The following FHIP1A variants were observed in gnomAD, a reference collection of about 807,000 sequenced individuals.
FHIP1A encodes FHF complex subunit HOOK interacting protein 1A, also known as FHF complex subunit HOOK-interacting protein 1A.
A neutral mutation model predicts 88.6 loss-of-function variants in FHIP1A; 61 were observed. The ratio of observed to expected loss-of-function variants is 0.69; its 90% CI spans 0.56 to 0.85. The LOEUF is 0.85. Among genes scored for constraint, FHIP1A ranks in the 40% least tolerant of loss-of-function variants. The pLI is 0.00. For missense variants in FHIP1A, 1,154 were observed against 1,273.5 expected (o/e 0.91, Z 1.43); for synonymous variants, 478 against 496.0 (o/e 0.96, Z 0.48).
At chr4:151,550,680 T>C (rs1435246745) in intron 3 of FHIP1A, among the ~76,000 whole-genome samples, 1 of 152,260 alleles carries the variant, frequency 6.6e-6, no homozygotes, top group Non-Finnish European at 1.5e-5. Flanking sequence ...ATTTTCCCTC[T>C]CTCTAAGTGT....
chr4:151,608,917 T>A (rs1362199568), intron 7 of FHIP1A, among the ~76,000 whole-genome samples: 1 of 152,156 alleles, frequency 6.6e-6, no homozygotes, highest in Non-Finnish European at 1.5e-5. Context: ...AAGGAGATTG[T>A]TGGGTTCTTA....
At chr4:151,421,016 A>C (rs534581784) in intron 1 of FHIP1A, among the ~76,000 whole-genome samples, 1 of 152,230 alleles carries the variant, frequency 6.6e-6, no homozygotes, top group Non-Finnish European at 1.5e-5. Flanking sequence ...ATTGAGTCGC[A>C]TTTAAAGTCC....
intron 3 of FHIP1A, among the ~76,000 whole-genome samples, chr4:151,485,502 C>G (rs1730051045): frequency 6.6e-6 from 1 of 151,858 alleles, no homozygotes; most frequent in South Asian, 2.1e-4. Flanking sequence ...AAGTGCGGTC[C>G]CCAGATGAAC....
intron 2 of FHIP1A, among the ~76,000 whole-genome samples, chr4:151,463,367 C>T (rs1729203565): frequency 6.6e-6 from 1 of 152,146 alleles, no homozygotes; most frequent in South Asian, 2.1e-4. Context: ...ATGCCAGTAG[C>T]TTTGAAGAGG....
At chr4:151,527,982 G>T (rs1018066485) in intron 3 of FHIP1A, among the ~76,000 whole-genome samples, 1 of 152,178 alleles carries the variant, frequency 6.6e-6, no homozygotes, top group African/African-American at 2.4e-5. Flanking sequence ...AATAAAAACC[G>T]TGTAGCTCCA....
intron 2 of FHIP1A, among the ~76,000 whole-genome samples, chr4:151,469,939 A>G (rs1310201443): frequency 3.3e-5 from 5 of 152,212 alleles, no homozygotes; most frequent in Non-Finnish European, 2.9e-5. Flanking sequence ...TGTAACTTAC[A>G]TTACACAGCC....
intron 3 of FHIP1A, among the ~76,000 whole-genome samples, chr4:151,565,848 G>A (rs1241686682): frequency 6.6e-6 from 1 of 152,030 alleles, no homozygotes; most frequent in East Asian, 1.9e-4. Context: ...TTGAGCTTGA[G>A]TGCTTTAGAA....
chr4:151,450,298 CT>C (rs1320569153), intron 1 of FHIP1A, among the ~76,000 whole-genome samples: 2 of 152,094 alleles, frequency 1.3e-5, no homozygotes, highest in Non-Finnish European at 2.9e-5. Context: ...TTTGATTTCA[CT>C]CAAATAAGAT....
chr4:151,612,467 G>A (rs1735359572), intron 7 of FHIP1A, among the ~76,000 whole-genome samples: 1 of 152,164 alleles, frequency 6.6e-6, no homozygotes, highest in Admixed American at 6.5e-5. Context: ...TGCAACCTCC[G>A]CCTTCCGGCT....
At chr4:151,646,529 C>G (rs759083203) in intron 9 of FHIP1A, 29 bp from the exon 10 acceptor site, 41 of 1,517,718 alleles carry the variant, frequency 2.7e-5, no homozygotes, top group Non-Finnish European at 3.7e-5. Flanking sequence ...ATTGCAGAGA[C>G]CAAACGCTTG....
intron 2 of FHIP1A, among the ~76,000 whole-genome samples, chr4:151,456,577 A>G (rs966445973): frequency 4.6e-5 from 7 of 152,222 alleles, no homozygotes; most frequent in African/African-American, 1.7e-4. Context: ...TCATGGTTAC[A>G]TACAGTATTG....
Position 151,529,298 on chromosome 4 carries a change from A to C in FHIP1A, c.-122-36840A>C, listed in dbSNP as rs1308120943. On this transcript the variant is annotated intron_variant, in intron 3 of 13. Coordinates refer to ENST00000435205, the MANE Select transcript of FHIP1A (RefSeq NM_001109977.3). ...AGTCACCTAAGAGGCTGGAATCAAA[A>C]GGCTGAGGGATTGTGGACTGTCATT... Among the ~76,000 whole-genome samples the C allele has an allele frequency of 2.0e-5, 3 of 152,282 alleles. No individual in the cohort carries two copies. In the East Asian group the frequency reaches 5.8e-4, roughly 29 times the overall value.
At chr4:151,590,585 CAT>C (rs1454785604) in intron 7 of FHIP1A, among the ~76,000 whole-genome samples, 1 of 152,200 alleles carries the variant, frequency 6.6e-6, no homozygotes, top group Non-Finnish European at 1.5e-5. Flanking sequence ...CATATTATCA[CAT>C]GTGTTTTATT....
chr4:151,511,627 G>C (rs1378249503), intron 3 of FHIP1A, among the ~76,000 whole-genome samples: 1 of 152,254 alleles, frequency 6.6e-6, no homozygotes, highest in African/African-American at 2.4e-5. Flanking sequence ...CGCACCAGGA[G>C]ATTATATCCC....
At chr4:151,529,717 C>T (rs749147378) in intron 3 of FHIP1A, among the ~76,000 whole-genome samples, 24 of 152,102 alleles carry the variant, frequency 1.6e-4, no homozygotes, top group Non-Finnish European at 2.9e-4. Context: ...AGAGTACACT[C>T]GTGTCCATAA....
chr4:151,661,646 A>G (rs572525664), intron 13 of FHIP1A, among the ~76,000 whole-genome samples: 1 of 152,274 alleles, frequency 6.6e-6, no homozygotes, highest in Non-Finnish European at 1.5e-5. Flanking sequence ...CTACAAATAT[A>G]TGAGGGCTGA....
At position 151,485,557 on chromosome 4, in the gene FHIP1A, G is replaced by T. The variant is rs780641950; in HGVS notation, c.-123+2909G>T. ...AACTTGTTGGAAATGTAAATTCTTGGACTGAATCAGAAGCCCAGAGGGTGG... is the reference window on the plus strand; with the variant it reads ...AACTTGTTGGAAATGTAAATTCTTGTACTGAATCAGAAGCCCAGAGGGTGG... On this transcript the variant is annotated intron_variant, in intron 3 of 13. Coordinates refer to ENST00000435205, the MANE Select transcript of FHIP1A (RefSeq NM_001109977.3). Among the ~76,000 whole-genome samples, 3 of 151,266 alleles carry T rather than the reference G, an allele frequency of 2.0e-5. No individual in the cohort carries two copies. The South Asian group carries it at 6.2e-4, about 31-fold the overall frequency.
At chr4:151,430,970 C>A (rs1048679084) in intron 1 of FHIP1A, among the ~76,000 whole-genome samples, 2 of 152,114 alleles carry the variant, frequency 1.3e-5, no homozygotes, top group Non-Finnish European at 1.5e-5. Context: ...TGACTACTTG[C>A]CAGTAAAAGC....
intron 3 of FHIP1A, among the ~76,000 whole-genome samples, chr4:151,513,917 AC>A (rs2126681684): frequency 6.6e-6 from 1 of 150,810 alleles, no homozygotes; most frequent in South Asian, 2.2e-4. Context: ...TAACAAGGAT[AC>A]CCAGGAATTG....
Sources: allele counts gnomAD v4.1 joint callset (sites outside exome capture counted in the v4.1 genomes callset), GRCh38; gene constraint gnomAD v4.1.1; transcripts MANE v1.5; gene names NCBI Gene and HGNC (gene_info 2026-07-23, HGNC 2026-07-21).